The following MKRN1 variants were observed in gnomAD, a reference collection of about 807,000 sequenced individuals.
The protein encoded by MKRN1 is E3 ubiquitin-protein ligase makorin-1.
Under a neutral mutation model 55.5 loss-of-function variants are expected in MKRN1, and 9 were observed. That is an observed-to-expected ratio of 0.16 (90% CI 0.10 to 0.28). The LOEUF (loss-of-function observed/expected upper bound fraction) is 0.28. MKRN1 is among the 10% of genes least tolerant of loss of function. MKRN1 has a pLI of 1.00. For missense variants in MKRN1, 488 were observed against 626.7 expected (o/e 0.78, Z 2.36); for synonymous variants, 253 against 235.9 (o/e 1.07, Z -0.66).
intron 1 of MKRN1, chr7:140,472,485 A>G (rs1585492700): frequency 6.4e-6 from 1 of 155,828 alleles, no homozygotes; most frequent in East Asian, 1.9e-4. Context: ...AAGCAAGTGT[A>G]TTAGTCCGTT....
At chr7:140,465,360 C>T (rs1794738203) in intron 2 of MKRN1, among the ~76,000 whole-genome samples, 1 of 151,980 alleles carries the variant, frequency 6.6e-6, no homozygotes. Flanking sequence ...TTTAGCCAGG[C>T]ATGGTGGCAC....
At position 140,455,074 on chromosome 7, in the gene MKRN1, TAA is replaced by T; in HGVS notation, c.1236+19_1236+20del. ...TGATACCTTGGAATTTCCCCTCCTTTAAAAAAACAGTGAGAGTTACCCGGTAT... is the reference window on the plus strand; with the variant it reads ...TGATACCTTGGAATTTCCCCTCCTTTAAAAACAGTGAGAGTTACCCGGTAT... On this transcript the variant is annotated intron_variant, in intron 7 of 7. Transcript: ENST00000255977. The T allele has an allele frequency of 6.2e-7, 1 of 1,612,098 alleles. No homozygotes were observed.
Position 140,479,382 on chromosome 7 carries a change from C to T in MKRN1, c.-38G>A, listed in dbSNP as rs1044503245. On this transcript the variant is annotated 5_prime_UTR_variant, in exon 1 of 8. Coordinates refer to ENST00000255977, the MANE Select transcript of MKRN1 (RefSeq NM_013446.4). ...CACACAGCAAAGGCCCCGGAACTTC[C>T]GGGATCACATAGTTCCGGTCCGGCT... is the stretch of plus-strand genomic sequence containing the variant. 14 of 1,276,562 alleles carry T rather than the reference C, an allele frequency of 1.1e-5. No individual in the cohort carries two copies. Among genetic ancestry groups the T allele is most frequent in the Non-Finnish European group, 1.4e-5 (14 of 1,004,920 alleles). The allele number at this position is 1,276,562 out of a possible 1,614,324, so 79.1% of individuals were successfully genotyped here.
chr7:140,462,317 G>C (rs956314478), intron 2 of MKRN1, among the ~76,000 whole-genome samples: 1 of 152,080 alleles, frequency 6.6e-6, no homozygotes, highest in African/African-American at 2.4e-5. Flanking sequence ...CACCGTGCTC[G>C]GCACACCGAG....
chr7:140,457,031 G>T, intron 4 of MKRN1, 165 bp from the exon 5 acceptor site: 1 of 671,678 alleles, frequency 1.5e-6, no homozygotes, highest in Non-Finnish European at 2.3e-6. Flanking sequence ...CACAGGTGTG[G>T]TGTTTTTTTT....
At position 140,478,969 on chromosome 7, in the gene MKRN1, C is replaced by A. The variant is rs1416303408; in HGVS notation, c.185+191G>T. ...CAGCGCTGAGGGCTCCGCGGCCCAG[C>A]GGGGGTTGACGCAGTGACTGGGGGA... On this transcript the variant is annotated intron_variant, in intron 1 of 7. Coordinates refer to ENST00000255977, the MANE Select transcript of MKRN1 (RefSeq NM_013446.4). 9.5e-6 allele frequency: 6 copies of A among 631,724 alleles called. No homozygotes were observed. The African/African-American group carries it at 9.6e-5, about 10-fold the overall frequency. 39.1% of individuals were successfully genotyped at this position (631,724 alleles called of 1,614,324 possible).
Position 140,473,063 on chromosome 7 carries a change from C to A in MKRN1, c.186-1052G>T, listed in dbSNP as rs191707654. The stretch of plus-strand genomic sequence containing the variant: ...CCGAGATCGTGCCATTGAGCCACTG[C>A]GCTCCAGCCTGGACAACAGAGAGAC... On this transcript the variant is annotated intron_variant, in intron 1 of 7. Transcript: ENST00000255977. 4.1e-3 allele frequency among the ~76,000 whole-genome samples: 626 copies of A among 151,596 alleles called. 5 individuals carry two copies. Among genetic ancestry groups the A allele is most frequent in the African/African-American group, 0.014 (564 of 41,316 alleles).
intron 2 of MKRN1, among the ~76,000 whole-genome samples, chr7:140,466,797 C>T (rs577638369): frequency 5.4e-5 from 7 of 128,720 alleles, no homozygotes; most frequent in Non-Finnish European, 1.1e-4. Flanking sequence ...GGCGACAGAG[C>T]GAGACTCCGT....
chr7:140,476,471 CAA>C (rs59392050), intron 1 of MKRN1, among the ~76,000 whole-genome samples: 1 of 72,560 alleles, frequency 1.4e-5, no homozygotes, highest in Admixed American at 1.7e-4. Context: ...CACTCCATCT[CAA>C]AAAAAAAAAA....
intron 3 of MKRN1, among the ~76,000 whole-genome samples, 188 bp from the exon 4 acceptor site, chr7:140,459,421 TA>T (rs56916081): frequency 0.087 from 12,937 of 148,346 alleles, 1,724 homozygotes; most frequent in African/African-American, 0.29. Context: ...ATTAGACTTG[TA>T]AAAAAAAAAA....
At chr7:140,462,800 TA>T (rs1794661101) in intron 2 of MKRN1, among the ~76,000 whole-genome samples, 1 of 151,244 alleles carries the variant, frequency 6.6e-6, no homozygotes, top group Non-Finnish European at 1.5e-5. Flanking sequence ...CCGTCTCTAC[TA>T]AAAAATACAA....
rs1457270302 is a variant in MKRN1 at position 140,459,578 on chromosome 7, TTAAAG to T, written c.544+124_544+128del. 2.3e-5 allele frequency: 20 copies of T among 884,156 alleles called. No individual in the cohort carries two copies. The Admixed American group carries it at 4.8e-4, about 21-fold the overall frequency. The allele number at this position is 884,156 out of a possible 1,614,324, so 54.8% of individuals were successfully genotyped here. A position where few individuals can be genotyped will look rare whatever the true frequency, so the allele number is the denominator to read the frequency against. Reference sequence around the variant, plus strand: ...ATCTGTAAATCTTAGGTAATCCAAATTAAAGTACTGTACTAAGATTAAACTAAAAA... The same window carrying T: ...ATCTGTAAATCTTAGGTAATCCAAATTACTGTACTAAGATTAAACTAAAAA... On this transcript the variant is annotated intron_variant, in intron 3 of 7. Coordinates refer to ENST00000255977, the MANE Select transcript of MKRN1 (RefSeq NM_013446.4).
At chr7:140,459,972 C>T (rs375808428) in intron 2 of MKRN1, 36 bp from the exon 3 acceptor site, 23 of 1,560,686 alleles carry the variant, frequency 1.5e-5, no homozygotes, top group African/African-American at 4.1e-5. Context: ...GTCGGCCAGT[C>T]GTGGTGGCTC....
chr7:140,461,371 G>A (rs933567323), intron 2 of MKRN1, among the ~76,000 whole-genome samples: 19 of 152,194 alleles, frequency 1.2e-4, no homozygotes, highest in Non-Finnish European at 2.5e-4. Flanking sequence ...GGCCTGGTGC[G>A]GTGGCTCACA....
At chr7:140,459,358 C>CT in intron 3 of MKRN1, 125 bp from the exon 4 acceptor site, 1 of 923,470 alleles carries the variant, frequency 1.1e-6, no homozygotes, top group African/African-American at 1.7e-5. Context: ...GTCTACTGAA[C>CT]TAACTTCTTC....
chr7:140,467,275 C>G (rs548610386), intron 2 of MKRN1, among the ~76,000 whole-genome samples: 30 of 151,862 alleles, frequency 2.0e-4, no homozygotes, highest in African/African-American at 6.8e-4. Context: ...AGCCCAGCCG[C>G]CCCCTCCCCC....
chr7:140,469,394 A>G (rs1794859046), intron 2 of MKRN1, among the ~76,000 whole-genome samples: 1 of 152,144 alleles, frequency 6.6e-6, no homozygotes, highest in African/African-American at 2.4e-5. Flanking sequence ...AGTACATACA[A>G]AACTCTTTGA....
intron 5 of MKRN1, chr7:140,456,296 G>C: frequency 8.5e-7 from 1 of 1,173,492 alleles, no homozygotes; most frequent in Non-Finnish European, 1.1e-6. Context: ...TTGTTGGCTA[G>C]CTTAATGAAT....
chr7:140,468,701 CAAAAAAAAA>C (rs528725182), intron 2 of MKRN1, among the ~76,000 whole-genome samples: 6 of 32,126 alleles, frequency 1.9e-4, no homozygotes, highest in Non-Finnish European at 2.6e-4. Context: ...CTCTGTCTCA[CAAAAAAAAA>C]AAAAAAAAAA....
Sources: allele counts gnomAD v4.1 joint callset (sites outside exome capture counted in the v4.1 genomes callset), GRCh38; gene constraint gnomAD v4.1.1; transcripts MANE v1.5; gene names NCBI Gene and HGNC (gene_info 2026-07-23, HGNC 2026-07-21).